Variants in SUPT3H observed in about 807,000 individuals in gnomAD.
The protein encoded by SUPT3H is SPT3 homolog, SAGA and STAGA complex component.
Under a neutral mutation model 44.3 loss-of-function variants are expected in SUPT3H, and 44 were observed. The ratio of observed to expected loss-of-function variants is 0.99; its 90% confidence interval spans 0.78 to 1.28. The LOEUF (loss-of-function observed/expected upper bound fraction) is 1.28. Among genes scored for constraint, SUPT3H ranks in the 50% most tolerant of loss-of-function variants. SUPT3H has a pLI of 0.00. For missense variants in SUPT3H, 380 were observed against 387.1 expected (o/e 0.98, Z 0.15); for synonymous variants, 124 against 125.6 (o/e 0.99, Z 0.09).
chr6:45,149,961 C>T (rs1806655325), intron 2 of SUPT3H, among the ~76,000 whole-genome samples: 3 of 152,004 alleles, frequency 2.0e-5, no homozygotes, highest in African/African-American at 7.3e-5. Context: ...ATCACCTGAA[C>T]AATTTTTTTA....
At chr6:44,922,927 AT>A (rs948995310) in intron 10 of SUPT3H, among the ~76,000 whole-genome samples, 8 of 152,096 alleles carry the variant, frequency 5.3e-5, no homozygotes, top group African/African-American at 1.9e-4. Context: ...GAATCCTGTA[AT>A]TTTTTTAAAG....
At chr6:45,017,133 TA>T (rs1784412371) in intron 4 of SUPT3H, among the ~76,000 whole-genome samples, 1 of 152,072 alleles carries the variant, frequency 6.6e-6, no homozygotes, top group African/African-American at 2.4e-5. Context: ...TTTGGCTGCA[TA>T]AATGTCTTCT....
rs111946866 is a variant in SUPT3H, at chr6:45,243,534, T to C, written c.101+121667A>G. 9.1e-3 allele frequency among the ~76,000 whole-genome samples: 1,378 copies of C among 152,220 alleles called. 15 individuals are homozygous for C. Among genetic ancestry groups the C allele is most frequent in the South Asian group, 0.028 (134 of 4,818 alleles). ...AGAAAAAGAACACAAATTATGAATC[T>C]CATTAATACAAGAGATTGTAAAAGA... On this transcript the variant is annotated intron_variant, in intron 2 of 10. Coordinates refer to ENST00000371459, the MANE Select transcript of SUPT3H (RefSeq NM_003599.4).
At chr6:45,205,890 A>G (rs1354983900) in intron 2 of SUPT3H, among the ~76,000 whole-genome samples, 1 of 152,190 alleles carries the variant, frequency 6.6e-6, no homozygotes, top group African/African-American at 2.4e-5. Flanking sequence ...CTACCAGTTG[A>G]GATCAGCTCA....
At chr6:45,034,235 G>A (rs1428403922) in intron 3 of SUPT3H, among the ~76,000 whole-genome samples, 1 of 151,962 alleles carries the variant, frequency 6.6e-6, no homozygotes, top group Non-Finnish European at 1.5e-5. Flanking sequence ...CCTGAAGCTG[G>A]AGGCTAGAGA....
chr6:45,360,986 T>C (rs1794150542), intron 2 of SUPT3H, among the ~76,000 whole-genome samples: 1 of 152,140 alleles, frequency 6.6e-6, no homozygotes, highest in African/African-American at 2.4e-5. Context: ...CAGTGAATGA[T>C]TTTTAGCTGG....
At chr6:44,916,413 G>A (rs191442718) in intron 10 of SUPT3H, among the ~76,000 whole-genome samples, 6 of 152,180 alleles carry the variant, frequency 3.9e-5, no homozygotes, top group African/African-American at 1.4e-4. Flanking sequence ...CCCATATGTG[G>A]TCAGTAATGC....
chr6:45,000,621 A>C (rs1402118703), intron 6 of SUPT3H, among the ~76,000 whole-genome samples: 1 of 152,094 alleles, frequency 6.6e-6, no homozygotes, highest in Non-Finnish European at 1.5e-5. Context: ...ATTTCAGGTT[A>C]AGCAAATTCA....
chr6:44,890,799 G>T (rs926769178), intron 10 of SUPT3H, among the ~76,000 whole-genome samples: 6 of 151,556 alleles, frequency 4.0e-5, no homozygotes, highest in Non-Finnish European at 8.8e-5. Flanking sequence ...GGCACACATG[G>T]AATACTATGC....
At chr6:44,929,765 C>T (rs955158302) in intron 10 of SUPT3H, among the ~76,000 whole-genome samples, 1 of 129,092 alleles carries the variant, frequency 7.7e-6, no homozygotes. Context: ...CTACCATGAG[C>T]TCCCTTTTTT....
chr6:44,965,156 C>T (rs552524132), intron 6 of SUPT3H, among the ~76,000 whole-genome samples: 10 of 152,240 alleles, frequency 6.6e-5, no homozygotes, highest in Admixed American at 6.5e-4. Flanking sequence ...CAGCAAATGA[C>T]GTACAAGCTG....
chr6:44,861,021 A>C (rs900337496), intron 10 of SUPT3H, among the ~76,000 whole-genome samples: 1 of 152,204 alleles, frequency 6.6e-6, no homozygotes, highest in Non-Finnish European at 1.5e-5. Context: ...GGGTTCTGCT[A>C]TTAATTCACT....
At chr6:44,965,991 A>G (rs1776720355) in intron 6 of SUPT3H, among the ~76,000 whole-genome samples, 1 of 152,238 alleles carries the variant, frequency 6.6e-6, no homozygotes, top group African/African-American at 2.4e-5. Context: ...GCCTAAGACC[A>G]GAAACTGTAA....
intron 2 of SUPT3H, among the ~76,000 whole-genome samples, chr6:45,140,104 A>C (rs1233727300): frequency 6.6e-6 from 1 of 152,012 alleles, no homozygotes; most frequent in Non-Finnish European, 1.5e-5. Context: ...ATTATCCCCC[A>C]CTTCACTGGT....
At chr6:45,112,658 G>A (rs1323469109) in intron 2 of SUPT3H, among the ~76,000 whole-genome samples, 1 of 152,024 alleles carries the variant, frequency 6.6e-6, no homozygotes, top group Non-Finnish European at 1.5e-5. Context: ...AGAGGGGAAG[G>A]GCTGATTAAG....
At chr6:45,272,665 A>G (rs530192298) in intron 2 of SUPT3H, among the ~76,000 whole-genome samples, 23 of 152,314 alleles carry the variant, frequency 1.5e-4, no homozygotes, top group African/African-American at 4.3e-4. Context: ...TATCTCATGG[A>G]AACTCTCACA....
chr6:45,178,676 C>T (rs6916374), intron 2 of SUPT3H, among the ~76,000 whole-genome samples: 89,094 of 151,706 alleles, frequency 0.59, 27,013 homozygotes, highest in African/African-American at 0.75. Context: ...TAAAGCTCTC[C>T]TCAGCAAATG....
chr6:45,248,429 A>G (rs1771755912), intron 2 of SUPT3H, among the ~76,000 whole-genome samples: 1 of 152,216 alleles, frequency 6.6e-6, no homozygotes, highest in Non-Finnish European at 1.5e-5. Context: ...CAGTAAATAA[A>G]AAAGGAAAAT....
intron 11 of SUPT3H, among the ~76,000 whole-genome samples, chr6:44,811,002 A>G (rs942681349): frequency 6.6e-6 from 1 of 152,178 alleles, no homozygotes; most frequent in Non-Finnish European, 1.5e-5. Context: ...ACTTTCCTCT[A>G]TTATTAGTAA....
Sources: allele counts gnomAD v4.1 joint callset (sites outside exome capture counted in the v4.1 genomes callset), GRCh38; gene constraint gnomAD v4.1.1; transcripts MANE v1.5; gene names NCBI Gene and HGNC (gene_info 2026-07-23, HGNC 2026-07-21).